RGS3: variants seen among roughly 807,000 people sequenced by gnomAD.
RGS3 encodes regulator of G protein signaling 3.
In RGS3, 80 loss-of-function variants were observed where a neutral mutation model predicts 132.6. The observed-to-expected ratio is 0.60, with a 90% CI of 0.50 to 0.73. The LOEUF (loss-of-function observed/expected upper bound fraction) is 0.73. Among genes scored for constraint, RGS3 ranks in the 30% least tolerant of loss-of-function variants. RGS3 has a pLI of 0.00. For synonymous variants in RGS3, 598 were observed against 620.6 expected, an observed-to-expected ratio of 0.96 and a Z score of 0.54; for missense variants, 1,382 against 1,530.8, an observed-to-expected ratio of 0.90 and a Z score of 1.62.
intron 19 of RGS3, among the ~76,000 whole-genome samples, chr9:113,539,258 G>A (rs1313241034): frequency 6.6e-6 from 1 of 152,192 alleles, no homozygotes; most frequent in Non-Finnish European, 1.5e-5. Context: ...GAAGAGGAAG[G>A]GCCAAACGGA....
At chr9:113,485,037 G>A (rs1443280633) in intron 6 of RGS3, among the ~76,000 whole-genome samples, 1 of 151,360 alleles carries the variant, frequency 6.6e-6, no homozygotes, top group East Asian at 1.9e-4. Flanking sequence ...GCGTGTGGGT[G>A]TGTATGTTTG....
At chr9:113,513,095 C>T (rs1831476877) in intron 14 of RGS3, among the ~76,000 whole-genome samples, 1 of 152,194 alleles carries the variant, frequency 6.6e-6, no homozygotes, top group Non-Finnish European at 1.5e-5. Flanking sequence ...ACTTGGGGGA[C>T]TGAGGCAGGA....
chr9:113,550,382 C>T (rs1276612634), intron 19 of RGS3, among the ~76,000 whole-genome samples: 3 of 152,144 alleles, frequency 2.0e-5, no homozygotes, highest in African/African-American at 7.2e-5. Flanking sequence ...ACTAAATAAA[C>T]AAATATTTGT....
chr9:113,594,393 C>G (rs746498554), intron 21 of RGS3, 37 bp from the exon 20 acceptor site: 1 of 1,609,918 alleles, frequency 6.2e-7, no homozygotes, highest in Non-Finnish European at 8.5e-7. Context: ...GCGAGTGGGC[C>G]AGGCTGAGCA....
At chr9:113,566,095 G>T (rs552051443) in intron 19 of RGS3, among the ~76,000 whole-genome samples, 2 of 152,296 alleles carry the variant, frequency 1.3e-5, no homozygotes, top group East Asian at 3.9e-4. Context: ...AGCCAGCAGG[G>T]TTGGCTATTG....
At chr9:113,578,264 A>C (rs1248630750) in intron 19 of RGS3, among the ~76,000 whole-genome samples, 2 of 152,178 alleles carry the variant, frequency 1.3e-5, no homozygotes, top group African/African-American at 4.8e-5. Flanking sequence ...TGGAGTGACC[A>C]TGGCTATCGT....
At chr9:113,573,064 T>C (rs1834360935) in intron 19 of RGS3, among the ~76,000 whole-genome samples, 1 of 152,184 alleles carries the variant, frequency 6.6e-6, no homozygotes, top group Non-Finnish European at 1.5e-5. Context: ...GGCCCTATGC[T>C]AAGCCCTCCC....
At chr9:113,497,432 T>G in intron 9 of RGS3, 28 bp downstream of exon 7, 1 of 1,590,550 alleles carries the variant, frequency 6.3e-7, no homozygotes, top group Non-Finnish European at 8.6e-7. Flanking sequence ...TCAGCTTCCC[T>G]TCCCAGGACC....
chr9:113,522,982 C>G (rs1832031737), exon 17 of RGS3: 2 of 1,614,048 alleles, frequency 1.2e-6, no homozygotes, highest in South Asian at 2.2e-5. Flanking sequence ...GAGGACGAGC[C>G]TGGCCGCTGC....
At chr9:113,533,980 G>A (rs1832577923) in intron 18 of RGS3, among the ~76,000 whole-genome samples, 3 of 152,218 alleles carry the variant, frequency 2.0e-5, no homozygotes, top group African/African-American at 7.2e-5. Context: ...GAAACCAGCA[G>A]GCAGGGCTTT....
chr9:113,547,956 G>A (rs1033382668), intron 19 of RGS3, among the ~76,000 whole-genome samples: 8 of 152,204 alleles, frequency 5.3e-5, no homozygotes, highest in Non-Finnish European at 1.2e-4. Flanking sequence ...AAGTAGGCTG[G>A]CCTAGGAAGC....
intron 3 of RGS3, among the ~76,000 whole-genome samples, chr9:113,472,291 A>G (rs1829858289): frequency 6.6e-6 from 1 of 152,240 alleles, no homozygotes; most frequent in Admixed American, 6.5e-5. Context: ...ATGAAAACAC[A>G]TGCTCACACA....
chr9:113,461,665 G>A, intron 1 of RGS3: 1 of 1,589,308 alleles, frequency 6.3e-7, no homozygotes. Context: ...CCCATTACCG[G>A]GTGTAAGTGC....
In RGS3 at chr9:113,449,841, C is replaced by T. The variant is rs186305790; in HGVS notation, c.-13+4914C>T. On this transcript the variant is annotated intron_variant, in intron 1 of 25. Coordinates refer to the RGS3 transcript ENST00000374140. ...CACTGCAACCTCTGCCTCCCAGGTTCAAGTGATTCTCCTGCCTCAGCCTCC... is the reference window on the plus strand; with the variant it reads ...CACTGCAACCTCTGCCTCCCAGGTTTAAGTGATTCTCCTGCCTCAGCCTCC... 2.6e-3 allele frequency among the ~76,000 whole-genome samples: 387 copies of T among 151,188 alleles called. 6 individuals are homozygous for T. The highest frequency in any genetic ancestry group is 9.6e-4 in the Non-Finnish European group (65 of 67,828).
At chr9:113,505,565 A>G (rs375614125) in intron 11 of RGS3, 42 bp downstream of exon 9, 2 of 1,482,922 alleles carry the variant, frequency 1.3e-6, no homozygotes, top group African/African-American at 2.8e-5. Context: ...CTTGCCCACC[A>G]CACATGTGGG....
chr9:113,516,355 CTTTTTCTTTT>C (rs1831661738), intron 15 of RGS3, among the ~76,000 whole-genome samples: 1 of 151,454 alleles, frequency 6.6e-6, no homozygotes, highest in Non-Finnish European at 1.5e-5. Flanking sequence ...AATTTTCTTT[CTTTTTCTTTT>C]TTTTTTTTTG....
chr9:113,507,582 A>G lies in RGS3; in HGVS notation c.1381A>G (p.Thr461Ala), dbSNP rs1374791231. The G allele has an allele frequency of 3.3e-6, 5 of 1,526,716 alleles. No homozygotes were observed. In the Admixed American group the frequency reaches 1.0e-4, roughly 31 times the overall value. The allele number at this position is 1,526,716 out of a possible 1,614,324, so 94.6% of individuals were successfully genotyped here. A position where few individuals can be genotyped will look rare whatever the true frequency, so the allele number is the denominator to read the frequency against. ...CACCCTGCCTGCACTGTCCCGTGCC[A>G]CTGCCCCCACCGACCCCAACTACAT... The change falls in exon 13 of 25, where the codon ACT becomes GCT. Residue 461 changes from threonine to alanine, a missense_variant. By Grantham distance (58) the Thr-to-Ala change is moderately conservative. Transcript: ENST00000350696. This position sits in a 1 kb window ranked among gnomAD's most constrained non-coding sequence, Gnocchi z 5.0.
chr9:113,567,396 T>C (rs892735062), intron 19 of RGS3, among the ~76,000 whole-genome samples: 1 of 152,224 alleles, frequency 6.6e-6, no homozygotes, highest in Non-Finnish European at 1.5e-5. Flanking sequence ...CGCAAGGACC[T>C]GGCCAGGGGC....
At chr9:113,529,183 C>G (rs762126673) in intron 17 of RGS3, 38 bp from the exon 16 acceptor site, 18 of 1,552,774 alleles carry the variant, frequency 1.2e-5, no homozygotes, top group Non-Finnish European at 1.4e-5. Flanking sequence ...GCTCTTTATC[C>G]AGTTCTAATG....
Sources: gnomAD v4.1 joint callset for allele counts (sites outside exome capture counted in the v4.1 genomes callset) on GRCh38, gnomAD v4.1.1 for gene constraint, Gnocchi (gnomAD v3.1) non-coding constraint, MANE v1.5 for transcripts, NCBI Gene and HGNC (gene_info 2026-07-23, HGNC 2026-07-21) for gene names.